Variants in VTCN1 observed in about 807,000 individuals in gnomAD.
VTCN1 encodes V-set domain-containing T-cell activation inhibitor 1.
VTCN1 carries 26 observed loss-of-function variants against 26.5 expected under a neutral mutation model. That is an observed-to-expected ratio of 0.98 (90% CI 0.72 to 1.36). The LOEUF (loss-of-function observed/expected upper bound fraction) is 1.36, where lower values mean the gene tolerates loss of function less well. VTCN1 is among the 40% of genes most tolerant of loss of function. The pLI, the probability that VTCN1 is intolerant of heterozygous loss-of-function variation, is 0.00. For missense variants in VTCN1, 298 were observed against 337.7 expected (o/e 0.88, Z 0.92); for synonymous variants, 116 against 130.7 (o/e 0.89, Z 0.77).
intron 1 of VTCN1, among the ~76,000 whole-genome samples, chr1:117,205,967 T>C (rs941788539): frequency 1.3e-5 from 2 of 152,124 alleles, no homozygotes; most frequent in African/African-American, 4.8e-5. Flanking sequence ...TTGTACACAC[T>C]AGGACCTCCC....
At chr1:117,188,082 C>T (rs533265096) in intron 1 of VTCN1, among the ~76,000 whole-genome samples, 2 of 152,242 alleles carry the variant, frequency 1.3e-5, no homozygotes, top group African/African-American at 2.4e-5. Context: ...ATCCTCCTCC[C>T]CCTCTCTAAC....
chr1:117,162,645 G>A (rs1557864025), intron 2 of VTCN1, among the ~76,000 whole-genome samples: 1 of 152,144 alleles, frequency 6.6e-6, no homozygotes, highest in African/African-American at 2.4e-5. Context: ...TTGGAAGACT[G>A]AGCCACTTAC....
At chr1:117,156,967 C>A (rs370398762) in intron 2 of VTCN1, 46 bp from the exon 3 acceptor site, 11 of 1,612,740 alleles carry the variant, frequency 6.8e-6, no homozygotes, top group Non-Finnish European at 6.8e-6. Context: ...AGCCTTGGAA[C>A]TTCTACAACC....
chr1:117,158,925 T>G (rs965379531), intron 2 of VTCN1, among the ~76,000 whole-genome samples: 3 of 152,206 alleles, frequency 2.0e-5, no homozygotes, highest in Non-Finnish European at 2.9e-5. Context: ...GTCTCTTTGT[T>G]AAAACATAAC....
At chr1:117,190,887 A>G (rs1168594222) in intron 1 of VTCN1, among the ~76,000 whole-genome samples, 2 of 152,234 alleles carry the variant, frequency 1.3e-5, no homozygotes, top group African/African-American at 4.8e-5. Context: ...ACGTGACACC[A>G]CCAAAGAAAC....
chr1:117,182,457 C>T (rs575599522), intron 1 of VTCN1, among the ~76,000 whole-genome samples: 21 of 152,306 alleles, frequency 1.4e-4, no homozygotes, highest in African/African-American at 5.1e-4. Flanking sequence ...CTGCCAGACC[C>T]ACCCCTTGAG....
At chr1:117,153,046 T>C in intron 4 of VTCN1, 45 bp downstream of exon 4, 2 of 1,561,206 alleles carry the variant, frequency 1.3e-6, no homozygotes, top group Non-Finnish European at 1.7e-6. Flanking sequence ...ATTTAGATTT[T>C]ACTCTTTCCC....
intron 2 of VTCN1, among the ~76,000 whole-genome samples, chr1:117,157,578 G>A (rs1652153955): frequency 6.6e-6 from 1 of 152,134 alleles, no homozygotes; most frequent in African/African-American, 2.4e-5. Flanking sequence ...ATCTCCCACT[G>A]GGTCCCTCCC....
At chr1:117,196,942 C>G (rs1336000875) in intron 1 of VTCN1, among the ~76,000 whole-genome samples, 1 of 152,176 alleles carries the variant, frequency 6.6e-6, no homozygotes. Context: ...ACTTCCTTCA[C>G]AGTTTGACAC....
intron 2 of VTCN1, among the ~76,000 whole-genome samples, chr1:117,168,906 T>C (rs1229497288): frequency 6.6e-6 from 1 of 152,088 alleles, no homozygotes; most frequent in Non-Finnish European, 1.5e-5. Flanking sequence ...AAAAAATATA[T>C]GATTGATGAC....
chr1:117,173,162 C>T (rs1433230924), intron 1 of VTCN1: 4 of 715,946 alleles, frequency 5.6e-6, no homozygotes, highest in Non-Finnish European at 1.0e-5. Flanking sequence ...CCGGACGCGC[C>T]ACCTTTAAGA....
chr1:117,174,923 G>T (rs1647253485), intron 1 of VTCN1, among the ~76,000 whole-genome samples: 1 of 152,220 alleles, frequency 6.6e-6, no homozygotes, highest in South Asian at 2.1e-4. Flanking sequence ...CAGGGGGTCA[G>T]GATCTAAGCA....
At chr1:117,151,200 CTT>C (rs796226289) in intron 4 of VTCN1, among the ~76,000 whole-genome samples, 32 of 135,710 alleles carry the variant, frequency 2.4e-4, no homozygotes, top group Admixed American at 3.0e-4. Flanking sequence ...TGTTACAGTT[CTT>C]TTTTTTTTTT....
chr1:117,148,816 T>G (rs55726169), intron 4 of VTCN1, among the ~76,000 whole-genome samples: 16,735 of 152,064 alleles, frequency 0.11, 1,331 homozygotes, highest in African/African-American at 0.22. Flanking sequence ...GGCTTTGTAG[T>G]TAGGCAAGTG....
At chr1:117,193,000 C>T (rs1648320766) in intron 1 of VTCN1, among the ~76,000 whole-genome samples, 1 of 151,974 alleles carries the variant, frequency 6.6e-6, no homozygotes, top group East Asian at 1.9e-4. Flanking sequence ...AACAACACAG[C>T]AATAACAATG....
intron 1 of VTCN1, among the ~76,000 whole-genome samples, chr1:117,174,447 G>A (rs1653089965): frequency 6.6e-6 from 1 of 152,180 alleles, no homozygotes; most frequent in African/African-American, 2.4e-5. Flanking sequence ...AATAATCTGA[G>A]GCAGAATGTG....
intron 4 of VTCN1, among the ~76,000 whole-genome samples, chr1:117,149,486 T>A (rs1348842170): frequency 6.6e-6 from 1 of 152,116 alleles, no homozygotes; most frequent in East Asian, 1.9e-4. Context: ...AATACTCTCA[T>A]AATTTCTCCC....
intron 1 of VTCN1, among the ~76,000 whole-genome samples, chr1:117,180,158 A>C (rs1285813889): frequency 6.6e-6 from 1 of 152,174 alleles, no homozygotes. Context: ...CTCTGGAAGG[A>C]AAACTGGAGG....
chr1:117,210,316 G>T (rs1027344282), intron 1 of VTCN1, among the ~76,000 whole-genome samples: 1 of 152,112 alleles, frequency 6.6e-6, no homozygotes, highest in Non-Finnish European at 1.5e-5. Flanking sequence ...CTGGGGAGGG[G>T]TGTTGGTGTG....
Sources: gnomAD v4.1 joint callset for allele counts (sites outside exome capture counted in the v4.1 genomes callset) on GRCh38, gnomAD v4.1.1 for gene constraint, MANE v1.5 for transcripts, NCBI Gene and HGNC (gene_info 2026-07-23, HGNC 2026-07-21) for gene names.